The following KPNA2 variants were observed in gnomAD, a reference collection of about 807,000 sequenced individuals.
The protein encoded by KPNA2 is importin subunit alpha-1.
A neutral mutation model predicts 53.7 loss-of-function variants in KPNA2; 20 were observed. That is an observed-to-expected ratio of 0.37 (90% confidence interval 0.26 to 0.54). The LOEUF is 0.54. KPNA2 is among the 20% of genes least tolerant of loss of function. KPNA2 has a pLI of 0.83. For missense variants in KPNA2, 515 were observed against 640.3 expected, an observed-to-expected ratio of 0.80 and a Z score of 2.11; for synonymous variants, 238 against 227.5, an observed-to-expected ratio of 1.05 and a Z score of -0.42.
Position 68,042,891 on chromosome 17 carries a change from G to A in KPNA2, c.572-14G>A, listed in dbSNP as rs868942663. The A allele has an allele frequency of 6.5e-7, 1 of 1,547,254 alleles. No individual in the cohort carries two copies. Among genetic ancestry groups the A allele is most frequent in the South Asian group, 1.2e-5 (1 of 85,442 alleles). On this transcript the variant is annotated splice_polypyrimidine_tract_variant and intron_variant, in intron 5 of 10. Coordinates refer to ENST00000330459, the MANE Select transcript of KPNA2 (RefSeq NM_002266.4). ...AAAAAAAAAAAAAAAAATTAATCTT[G>A]CCTTTTTTTTCAGGTGATGGCTCAG...
intron 3 of KPNA2, among the ~76,000 whole-genome samples, chr17:68,039,321 G>A (rs959845221): frequency 9.9e-5 from 15 of 151,398 alleles, no homozygotes; most frequent in Admixed American, 8.6e-4. Context: ...GGGATTCACC[G>A]TGTTTCCCAG....
In KPNA2 at chr17:68,037,638, G is replaced by GTAATTGTCTTCT. The variant is rs1158922473; in HGVS notation, c.213+145_213+156dup. On this transcript the variant is annotated intron_variant, in intron 3 of 10. Transcript: ENST00000330459. ...ACATCTTTTTCTCTGTTTGCAATTA[G>GTAATTGTCTTCT]TAATTGTCTTCTTTCCTGCCTTCTG... The GTAATTGTCTTCT allele has an allele frequency of 1.1e-5, 9 of 805,302 alleles. 1 individual carries two copies. The Admixed American group carries it at 2.2e-4, about 19-fold the overall frequency. 49.9% of individuals were successfully genotyped at this position (805,302 alleles called of 1,614,324 possible).
At chr17:68,036,777 A>C (rs2071195169) in intron 1 of KPNA2, among the ~76,000 whole-genome samples, 1 of 152,208 alleles carries the variant, frequency 6.6e-6, no homozygotes, top group Non-Finnish European at 1.5e-5. Context: ...TACTATTTGG[A>C]TATGTTGGGT....
intron 4 of KPNA2, 120 bp downstream of exon 4, chr17:68,040,886 C>T (rs1194547755): frequency 6.2e-6 from 4 of 643,482 alleles, no homozygotes; most frequent in Non-Finnish European, 1.1e-5. Context: ...GCCAGCCAGC[C>T]ATAAGCCAAA....
At chr17:68,036,894 T>C in intron 1 of KPNA2, 1 of 425,664 alleles carries the variant, frequency 2.3e-6, no homozygotes, top group Non-Finnish European at 4.2e-6. Flanking sequence ...CTATTTCTGA[T>C]GGAGAGCCCT....
At chr17:68,044,527 G>C (rs373083483) in intron 9 of KPNA2, 24 bp downstream of exon 9, 1 of 1,589,966 alleles carries the variant, frequency 6.3e-7, no homozygotes, top group Non-Finnish European at 8.6e-7. Context: ...AGGTGGCTTT[G>C]TTTGAATTTG....
chr17:68,041,437 T>TA (rs1404453558), intron 4 of KPNA2, among the ~76,000 whole-genome samples: 3 of 152,154 alleles, frequency 2.0e-5, no homozygotes, highest in African/African-American at 7.2e-5. Context: ...CACATGCCTG[T>TA]AATCTCACGT....
At chr17:68,042,855 C>T (rs782523298) in intron 5 of KPNA2, 50 bp from the exon 6 acceptor site, 18 of 1,366,448 alleles carry the variant, frequency 1.3e-5, no homozygotes, top group Non-Finnish European at 1.8e-5. Context: ...CAGAGAGAAA[C>T]TCCGTCTCAA....
intron 4 of KPNA2, among the ~76,000 whole-genome samples, 200 bp from the exon 5 acceptor site, chr17:68,041,885 G>A (rs2144214818): frequency 6.6e-6 from 1 of 152,294 alleles, no homozygotes; most frequent in Admixed American, 6.5e-5. Context: ...AAAAATGGTA[G>A]TTAATTATAC....
chr17:68,039,467 T>C (rs1299859270), intron 3 of KPNA2, among the ~76,000 whole-genome samples: 1 of 151,582 alleles, frequency 6.6e-6, no homozygotes, highest in Non-Finnish European at 1.5e-5. Flanking sequence ...CGTGGAAATA[T>C]GTAGATTATA....
chr17:68,039,008 GTC>G (rs869099705), intron 3 of KPNA2, among the ~76,000 whole-genome samples: 1 of 142,946 alleles, frequency 7.0e-6, no homozygotes, highest in Non-Finnish European at 1.6e-5. Flanking sequence ...GTGAGACCCT[GTC>G]TCTAAGAAAT....
chr17:68,036,784 G>T (rs2071195297), intron 1 of KPNA2, among the ~76,000 whole-genome samples: 1 of 152,148 alleles, frequency 6.6e-6, no homozygotes, highest in African/African-American at 2.4e-5. Context: ...TGGATATGTT[G>T]GGTTAAGTAA....
At chr17:68,038,562 A>C (rs982921086) in intron 3 of KPNA2, among the ~76,000 whole-genome samples, 1 of 152,126 alleles carries the variant, frequency 6.6e-6, no homozygotes, top group Non-Finnish European at 1.5e-5. Flanking sequence ...ATTTTTCCTG[A>C]AGTACTGCTT....
intron 10 of KPNA2, among the ~76,000 whole-genome samples, chr17:68,046,273 C>T (rs374517790): frequency 7.9e-5 from 12 of 152,102 alleles, no homozygotes; most frequent in African/African-American, 1.7e-4. Context: ...TGAAAAGTGA[C>T]GGTTGGGGAA....
chr17:68,046,356 C>T (rs1451344594), intron 10 of KPNA2, 148 bp from the exon 11 acceptor site: 2 of 528,420 alleles, frequency 3.8e-6, no homozygotes, highest in Non-Finnish European at 6.7e-6. Flanking sequence ...CAGAGACCCT[C>T]CCTCCTCTAT....
chr17:68,041,749 A>G (rs1218013786), intron 4 of KPNA2, among the ~76,000 whole-genome samples: 3 of 152,158 alleles, frequency 2.0e-5, no homozygotes, highest in Non-Finnish European at 4.4e-5. Flanking sequence ...CTTAACCACA[A>G]CTATCAGAAC....
Position 68,037,183 on chromosome 17 carries a change from C to A in KPNA2, c.51C>A (p.Phe17Leu). The change falls in exon 2 of 11, where the codon TTC becomes TTA. Residue 17 changes from phenylalanine (F) to leucine (L), a missense_variant. Phe to Leu is a conservative substitution (Grantham distance 22). Transcript: ENST00000330459. ...CACCAGCTGCCCGTCTTCACAGATT[C>A]AAGAACAAGGGAAAAGACAGTACAG... is the stretch of plus-strand genomic sequence containing the variant. The part of the protein sequence containing the change: ...ANTPAARLHR[F>L]KNKGKDSTEM... The A allele has an allele frequency of 1.2e-6, 2 of 1,613,042 alleles. No individual in the cohort carries two copies. The highest frequency in any genetic ancestry group is 1.1e-5 in the South Asian group (1 of 90,972).
At chr17:68,041,155 A>G (rs1256854310) in intron 4 of KPNA2, among the ~76,000 whole-genome samples, 2 of 152,256 alleles carry the variant, frequency 1.3e-5, no homozygotes, top group Non-Finnish European at 1.5e-5. Flanking sequence ...GGAGATAAGT[A>G]TAATTTGACC....
intron 3 of KPNA2, among the ~76,000 whole-genome samples, chr17:68,039,010 C>T (rs1436725144): frequency 1.4e-5 from 2 of 142,834 alleles, no homozygotes; most frequent in African/African-American, 2.4e-5. Flanking sequence ...GAGACCCTGT[C>T]TCTAAGAAAT....
Sources: gnomAD v4.1 joint callset for allele counts (sites outside exome capture counted in the v4.1 genomes callset) on GRCh38, gnomAD v4.1.1 for gene constraint, MANE v1.5 for transcripts, NCBI Gene and HGNC (gene_info 2026-07-23, HGNC 2026-07-21) for gene names.